COQ8A: variants seen among roughly 807,000 people sequenced by gnomAD.
COQ8A encodes atypical kinase COQ8A, mitochondrial.
A neutral mutation model predicts 65.0 loss-of-function variants in COQ8A; 51 were observed. The observed-to-expected ratio is 0.78, with a 90% CI of 0.63 to 0.99. COQ8A has a LOEUF of 0.99. COQ8A is among the 50% of genes least tolerant of loss of function. The pLI is 0.00. For synonymous variants in COQ8A, 371 were observed against 353.2 expected (o/e 1.05, Z -0.57); for missense variants, 940 against 875.0 (o/e 1.07, Z -0.94).
chr1:226,941,537 C>T (rs141369055), intron 1 of COQ8A, among the ~76,000 whole-genome samples: 2,742 of 151,672 alleles, frequency 0.018, 88 homozygotes, highest in African/African-American at 0.062. Context: ...GAGTCCGAGG[C>T]GGGTGGATCA....
At position 226,947,222 on chromosome 1, in the gene COQ8A, A is replaced by G. The variant is rs944602; in HGVS notation, c.-10+6823A>G. ...ATTTGGGGCAGTGTTCTTCTCTGCTATCTCTCAGCTTCCTAGGCAGTAAGA... is the reference window on the plus strand; with the variant it reads ...ATTTGGGGCAGTGTTCTTCTCTGCTGTCTCTCAGCTTCCTAGGCAGTAAGA... On this transcript the variant is annotated intron_variant, in intron 1 of 14. Coordinates refer to ENST00000366777, the MANE Select transcript of COQ8A (RefSeq NM_020247.5). Among the ~76,000 whole-genome samples, 496 of 152,322 alleles carry G rather than the reference A, an allele frequency of 3.3e-3. 16 individuals carry two copies. The East Asian group carries it at 0.063, about 19-fold the overall frequency.
intron 1 of COQ8A, among the ~76,000 whole-genome samples, chr1:226,960,365 T>C (rs1658123979): frequency 9.4e-6 from 1 of 106,206 alleles, no homozygotes; most frequent in Non-Finnish European, 2.0e-5. Flanking sequence ...TGGTGCTTGG[T>C]GGTGGTGGTG....
Position 226,963,383 on chromosome 1 carries a change from C to T in COQ8A, c.178-1617C>T, listed in dbSNP as rs1558189702. The stretch of plus-strand genomic sequence containing the variant: ...CCCTCCAGCCCCTCAAGGTTGCTTC[C>T]ACATTCATTCAGCAGATACTTACTG... On this transcript the variant is annotated intron_variant, in intron 2 of 14. Transcript: ENST00000366777. 2.0e-5 allele frequency among the ~76,000 whole-genome samples: 3 copies of T among 152,210 alleles called. No individual in the cohort carries two copies. In the South Asian group the frequency reaches 6.2e-4, roughly 31 times the overall value.
intron 5 of COQ8A, among the ~76,000 whole-genome samples, chr1:226,980,965 C>T (rs1008688791): frequency 2.6e-5 from 4 of 152,362 alleles, no homozygotes; most frequent in East Asian, 3.9e-4. Flanking sequence ...GCCACCCGAG[C>T]GCTGTGCCAG....
At chr1:226,969,540 T>A (rs1211818431) in intron 4 of COQ8A, among the ~76,000 whole-genome samples, 1 of 152,224 alleles carries the variant, frequency 6.6e-6, no homozygotes, top group East Asian at 1.9e-4. Context: ...CCGGCCAGAT[T>A]TAGAATTCTT....
At chr1:226,976,158 GCGA>G (rs1659191973) in intron 4 of COQ8A, among the ~76,000 whole-genome samples, 1 of 26,590 alleles carries the variant, frequency 3.8e-5, no homozygotes, top group Non-Finnish European at 1.1e-4. Flanking sequence ...CTGTGGGACT[GCGA>G]TGTTGCCTGG....
chr1:226,986,701 C>T lies in COQ8A; in HGVS notation c.1908C>T (p.Ala636=). The change falls in exon 15 of 15, where the codon GCC becomes GCT. Residue 636 remains alanine (A), a synonymous_variant. Transcript: ENST00000366777. ...RFPCKAMFEE[A]YSNYCKRQAQ... ...CCTGCAAGGCCATGTTCGAGGAGGC[C>T]TACAGCAACTACTGCAAGAGGCAGG... 1 of 1,613,958 alleles carries T rather than the reference C, an allele frequency of 6.2e-7. No homozygotes were observed. The highest frequency in any genetic ancestry group is 1.6e-4 in the Middle Eastern group (1 of 6,062).
intron 1 of COQ8A, among the ~76,000 whole-genome samples, chr1:226,956,415 C>T (rs1195508468): frequency 7.1e-6 from 1 of 140,632 alleles, no homozygotes; most frequent in African/African-American, 2.9e-5. Context: ...CTGGTTCCCG[C>T]TCTCCCTGAT....
At position 226,986,583 on chromosome 1, in the gene COQ8A, A is replaced by G. The variant is rs1181534063; in HGVS notation, c.1790A>G (p.His597Arg). ...IHNLIPVMLR[H>R]RLVPPPEETY... ...AACCTGATTCCCGTCATGCTGAGGC[A>G]CCGTCTCGTCCCCCCACCCGAGGAA... is the stretch of plus-strand genomic sequence containing the variant. The change falls in exon 15 of 15, where the codon CAC (histidine) becomes CGC (arginine). Residue 597 changes from histidine to arginine, a missense_variant. Physicochemically the swap from His to Arg is conservative, Grantham distance 29. Coordinates refer to ENST00000366777, the MANE Select transcript of COQ8A (RefSeq NM_020247.5). 1 of 1,613,480 alleles carries G rather than the reference A, an allele frequency of 6.2e-7. No individual in the cohort carries two copies. Among genetic ancestry groups the G allele is most frequent in the South Asian group, 1.1e-5 (1 of 91,054 alleles).
intron 13 of COQ8A, 67 bp downstream of exon 13, chr1:226,985,008 T>A: frequency 6.3e-7 from 1 of 1,578,356 alleles, no homozygotes; most frequent in Non-Finnish European, 8.7e-7. Flanking sequence ...GCTGGGGGAC[T>A]CGGGGTAGGG....
At chr1:226,961,861 C>G (rs1658275175) in intron 2 of COQ8A, among the ~76,000 whole-genome samples, 1 of 152,128 alleles carries the variant, frequency 6.6e-6, no homozygotes, top group Non-Finnish European at 1.5e-5. Context: ...CTGGTGAGGG[C>G]CTGTTTCCTA....
In COQ8A at chr1:226,982,874, T is replaced by A; in HGVS notation, c.940-20T>A. On this transcript the variant is annotated intron_variant, in intron 7 of 14. Coordinates refer to ENST00000366777, the MANE Select transcript of COQ8A (RefSeq NM_020247.5). ...CCAGGCAGGGCATGCTCAGAGCCCC[T>A]CCCTGGCCCTGCCCTTCAGAAAACT... is the stretch of plus-strand genomic sequence containing the variant. 1.2e-6 allele frequency: 2 copies of A among 1,612,554 alleles called. No homozygotes were observed. Among genetic ancestry groups the A allele is most frequent in the Non-Finnish European group, 1.7e-6 (2 of 1,179,796 alleles).
Position 226,983,801 on chromosome 1 carries a change from G to T in COQ8A, c.1203G>T (p.Glu401Asp), listed in dbSNP as rs749174686. The change falls in exon 10 of 15, where the codon GAG (glutamate) becomes GAT (aspartate). Residue 401 changes from glutamate (E) to aspartate (D), a missense_variant. Glu to Asp is a conservative substitution (Grantham distance 45). Transcript: ENST00000366777. ...ACCTGATCGACGTGCTGAGGCGGGA[G>T]CTGGCCCTGGAGTGTGACTACCAGC... ...PEHLIDVLRR[E>D]LALECDYQRE... 6.2e-7 allele frequency: 1 copy of T among 1,612,634 alleles called. No homozygotes were observed. Among genetic ancestry groups the T allele is most frequent in the South Asian group, 1.1e-5 (1 of 91,064 alleles).
chr1:226,965,493 C>T, intron 3 of COQ8A, 83 bp downstream of exon 3: 1 of 1,562,126 alleles, frequency 6.4e-7, no homozygotes, highest in Non-Finnish European at 8.7e-7. Flanking sequence ...AGGGACTTTT[C>T]CTGGGTGCTG....
At chr1:226,973,760 A>G (rs148179940) in intron 4 of COQ8A, among the ~76,000 whole-genome samples, 1 of 152,360 alleles carries the variant, frequency 6.6e-6, no homozygotes, top group Non-Finnish European at 1.5e-5. Flanking sequence ...AGCAAAGGGA[A>G]GCCTCCTGGG....
intron 10 of COQ8A, 51 bp downstream of exon 10, chr1:226,983,905 G>C: frequency 1.3e-6 from 2 of 1,587,824 alleles, no homozygotes; most frequent in Non-Finnish European, 1.7e-6. Context: ...GAGGCAGAAG[G>C]GACCATGTTC....
At chr1:226,960,502 G>GGTA (rs1558187650) in intron 1 of COQ8A, among the ~76,000 whole-genome samples, 2 of 109,898 alleles carry the variant, frequency 1.8e-5, no homozygotes, top group Non-Finnish European at 3.9e-5. Context: ...TGGTGGTGGT[G>GGTA]CTTGGTGGTG....
intron 5 of COQ8A, among the ~76,000 whole-genome samples, chr1:226,980,809 G>C (rs889086922): frequency 6.6e-6 from 1 of 152,234 alleles, no homozygotes; most frequent in Non-Finnish European, 1.5e-5. Flanking sequence ...TCTTCTCCGA[G>C]GCTCCTCTTC....
chr1:226,985,397 T>C (rs1009787677), intron 14 of COQ8A, 57 bp downstream of exon 14: 66 of 1,585,292 alleles, frequency 4.2e-5, no homozygotes, highest in Non-Finnish European at 5.0e-5. Flanking sequence ...CGGCTCCCTG[T>C]GTAAGAATGG....
Sources: gnomAD v4.1 joint callset for allele counts (sites outside exome capture counted in the v4.1 genomes callset) on GRCh38, gnomAD v4.1.1 for gene constraint, MANE v1.5 for transcripts, NCBI Gene and HGNC (gene_info 2026-07-23, HGNC 2026-07-21) for gene names.